Variants in NAALADL2 observed in about 807,000 individuals in gnomAD.
NAALADL2 encodes the protein inactive N-acetylated-alpha-linked acidic dipeptidase-like protein 2.
NAALADL2 carries 76 observed loss-of-function variants against 87.2 expected under a neutral mutation model. That is an observed-to-expected ratio of 0.87 (90% CI 0.72 to 1.05). The LOEUF (loss-of-function observed/expected upper bound fraction) is 1.05, where lower values mean the gene tolerates loss of function less well. NAALADL2 is among the 50% of genes least tolerant of loss of function. The pLI is 0.00. For synonymous variants in NAALADL2, 354 were observed against 331.0 expected (o/e 1.07, Z -0.75); for missense variants, 1,089 against 945.8 (o/e 1.15, Z -1.99).
chr3:175,050,720 G>A (rs1755272967), intron 1 of NAALADL2, among the ~76,000 whole-genome samples: 1 of 152,060 alleles, frequency 6.6e-6, no homozygotes. Context: ...AACAGATTAA[G>A]GTTATAGAAA....
intron 4 of NAALADL2, among the ~76,000 whole-genome samples, chr3:175,321,091 A>T (rs2110396722): frequency 6.6e-6 from 1 of 150,742 alleles, no homozygotes; most frequent in East Asian, 2.0e-4. Flanking sequence ...TCCTCAATAA[A>T]ATACTGGCAA....
At chr3:175,619,954 G>C (rs1241160363) in intron 10 of NAALADL2, among the ~76,000 whole-genome samples, 2 of 151,938 alleles carry the variant, frequency 1.3e-5, no homozygotes, top group African/African-American at 4.8e-5. Flanking sequence ...AACCCCCCGA[G>C]GGGTGATGGA....
At chr3:174,534,818 A>T (rs1403974573) in intron 1 of NAALADL2, among the ~76,000 whole-genome samples, 1 of 152,206 alleles carries the variant, frequency 6.6e-6, no homozygotes, top group East Asian at 1.9e-4. Context: ...CTTGTAAAGA[A>T]GAGAAAAAAA....
At chr3:174,503,022 C>T (rs543886458) in intron 1 of NAALADL2, among the ~76,000 whole-genome samples, 117 of 144,546 alleles carry the variant, frequency 8.1e-4, no homozygotes, top group African/African-American at 2.8e-3. Flanking sequence ...AGTGATACTC[C>T]ATCTGAAAAA....
chr3:174,945,416 C>A (rs12696371), intron 1 of NAALADL2, among the ~76,000 whole-genome samples: 1 of 152,018 alleles, frequency 6.6e-6, no homozygotes. Flanking sequence ...TGCCTATTAT[C>A]TGAGATTTGG....
At chr3:175,311,077 C>T (rs1037972690) in intron 4 of NAALADL2, among the ~76,000 whole-genome samples, 30 of 152,054 alleles carry the variant, frequency 2.0e-4, no homozygotes, top group African/African-American at 7.2e-4. Context: ...CTTTTCACTT[C>T]ATAAACCACC....
intron 2 of NAALADL2, among the ~76,000 whole-genome samples, chr3:175,173,543 G>A (rs944922560): frequency 9.9e-5 from 15 of 152,000 alleles, no homozygotes; most frequent in Admixed American, 9.2e-4. Flanking sequence ...TTATTTTAGC[G>A]GAGCTACAGT....
intron 1 of NAALADL2, among the ~76,000 whole-genome samples, chr3:174,877,383 C>G (rs1728640815): frequency 1.3e-5 from 2 of 152,018 alleles, no homozygotes; most frequent in African/African-American, 2.4e-5. Flanking sequence ...TTAATTGAGG[C>G]CTTCTTTCAT....
At chr3:175,001,281 C>G (rs191503409) in intron 1 of NAALADL2, among the ~76,000 whole-genome samples, 1 of 152,306 alleles carries the variant, frequency 6.6e-6, no homozygotes, top group Non-Finnish European at 1.5e-5. Context: ...CTGACAAGCT[C>G]TTAGGTAATG....
intron 5 of NAALADL2, among the ~76,000 whole-genome samples, chr3:175,367,645 A>T (rs575122186): frequency 1.2e-4 from 18 of 152,166 alleles, no homozygotes; most frequent in Admixed American, 1.2e-3. Flanking sequence ...TTCACTCATG[A>T]TTTGGCTCTC....
At chr3:174,457,544 A>C (rs1715922817) in intron 1 of NAALADL2, among the ~76,000 whole-genome samples, 1 of 152,114 alleles carries the variant, frequency 6.6e-6, no homozygotes, top group Admixed American at 6.6e-5. Flanking sequence ...GAGTGAGATC[A>C]TCCGGGCACG....
At chr3:175,673,831 A>G (rs1734340024) in intron 11 of NAALADL2, among the ~76,000 whole-genome samples, 1 of 152,138 alleles carries the variant, frequency 6.6e-6, no homozygotes, top group Non-Finnish European at 1.5e-5. Flanking sequence ...ACTATTATTA[A>G]TATTTGTGAA....
intron 2 of NAALADL2, among the ~76,000 whole-genome samples, chr3:174,645,228 T>C (rs948723997): frequency 1.3e-5 from 2 of 152,128 alleles, no homozygotes; most frequent in Non-Finnish European, 2.9e-5. Context: ...AAATAGAGAG[T>C]GAAACACATC....
At chr3:174,882,487 G>A (rs755848461) in intron 1 of NAALADL2, among the ~76,000 whole-genome samples, 1 of 150,472 alleles carries the variant, frequency 6.6e-6, no homozygotes, top group Non-Finnish European at 1.5e-5. Flanking sequence ...GCATACATAT[G>A]TGCATATACA....
chr3:175,617,061 A>C (rs1360333853), intron 10 of NAALADL2, among the ~76,000 whole-genome samples: 2 of 152,182 alleles, frequency 1.3e-5, no homozygotes, highest in Non-Finnish European at 2.9e-5. Flanking sequence ...CCCACCTAGC[A>C]GAGGAGTTGG....
chr3:174,669,316 C>T (rs796982410), intron 2 of NAALADL2, among the ~76,000 whole-genome samples: 4 of 151,976 alleles, frequency 2.6e-5, no homozygotes, highest in African/African-American at 9.6e-5. Flanking sequence ...TGGATATTAG[C>T]CCTTTGTCAG....
chr3:174,857,462 A>G (rs1457434199), upstream of NAALADL2, among the ~76,000 whole-genome samples: 2 of 152,190 alleles, frequency 1.3e-5, no homozygotes, highest in Non-Finnish European at 2.9e-5. Context: ...GCTATAATTC[A>G]GCTCATAGAT....
At chr3:174,927,038 A>C (rs1444131431) in intron 1 of NAALADL2, among the ~76,000 whole-genome samples, 1 of 152,034 alleles carries the variant, frequency 6.6e-6, no homozygotes, top group Non-Finnish European at 1.5e-5. Flanking sequence ...AGAAAAAAAA[A>C]AAAAAGGCAG....
intron 13 of NAALADL2, among the ~76,000 whole-genome samples, chr3:175,779,477 A>T (rs930461416): frequency 6.6e-6 from 1 of 151,904 alleles, no homozygotes; most frequent in African/African-American, 2.4e-5. Flanking sequence ...TTACTTCTTT[A>T]AAGTGTTCTT....
Sources: gnomAD v4.1 joint callset for allele counts (sites outside exome capture counted in the v4.1 genomes callset) on GRCh38, gnomAD v4.1.1 for gene constraint, MANE v1.5 for transcripts, NCBI Gene and HGNC (gene_info 2026-07-23, HGNC 2026-07-21) for gene names.